CSH1: variants seen among roughly 807,000 people sequenced by gnomAD.
CSH1 encodes the protein Chorionic somatomammotropin hormone 2.
In CSH1, 17 loss-of-function variants were observed where a neutral mutation model predicts 19.4. The observed-to-expected ratio is 0.88, with a 90% CI of 0.60 to 1.31. CSH1 has a LOEUF of 1.31. Ranked by LOEUF, CSH1 falls within the 40% of genes most tolerant of loss-of-function variation. The pLI, the probability that CSH1 is intolerant of heterozygous loss-of-function variation, is 0.00. For missense variants in CSH1, 190 were observed against 243.1 expected (o/e 0.78, Z 1.45); for synonymous variants, 72 against 104.6 (o/e 0.69, Z 1.90).
chr17:63,896,447 C>A, intron 1 of CSH1, 55 bp downstream of exon 1: 2 of 1,610,810 alleles, frequency 1.2e-6, no homozygotes, highest in Non-Finnish European at 1.7e-6. Context: ...ATCTACAGGG[C>A]GCTGCCTCTC....
intron 4 of CSH1, 57 bp from the exon 5 acceptor site, chr17:63,895,276 C>T: frequency 1.2e-6 from 2 of 1,612,886 alleles, no homozygotes; most frequent in Non-Finnish European, 8.5e-7. Flanking sequence ...TTCCCTCCCT[C>T]TCTCATTTAT....
rs367988256 is a variant in CSH1, at chr17:63,896,286, C to T, written c.11-51G>A. The T allele has an allele frequency of 2.1e-4, 332 of 1,579,234 alleles. 4 individuals are homozygous for T. Among genetic ancestry groups the T allele is most frequent in the Admixed American group, 3.5e-4 (19 of 54,184 alleles). On this transcript the variant is annotated intron_variant, in intron 1 of 4. Transcript: ENST00000316193. ...AGGGAGCCGGAGAGGAAGAGGCCAG[C>T]GCTCTCCCTGCTCCAGGAGCTGTTT...
At position 63,895,064 on chromosome 17, in the gene CSH1, G is replaced by A; in HGVS notation, c.612C>T (p.Arg204=). Residue 204 remains arginine (R), a synonymous_variant, in exon 5 of 5, where the codon CGC becomes CGT. Transcript: ENST00000316193. ...CCTCCACAGAGCGGCACTGCACCAT[G>A]CGCAGGAATGTCTCGACCTTGTCCA... The part of the protein sequence containing the change: ...KDMDKVETFL[R]MVQCRSVEGS... 6.2e-7 allele frequency: 1 copy of A among 1,612,972 alleles called. No homozygotes were observed. Among genetic ancestry groups the A allele is most frequent in the Non-Finnish European group, 8.5e-7 (1 of 1,179,662 alleles).
intron 2 of CSH1, 95 bp downstream of exon 2, chr17:63,895,980 C>G: frequency 1.6e-6 from 1 of 606,992 alleles, no homozygotes; most frequent in East Asian, 3.3e-5. Flanking sequence ...AGAAAACAAC[C>G]CTGAGCTCCT....
chr17:63,896,288 C>T (rs1206511661), intron 1 of CSH1, 53 bp from the exon 2 acceptor site: 3 of 1,583,382 alleles, frequency 1.9e-6, no homozygotes, highest in Non-Finnish European at 1.7e-6. Flanking sequence ...GAGGCCAGCG[C>T]TCTCCCTGCT....
chr17:63,895,164 T>C lies in CSH1; in HGVS notation c.512A>G (p.Lys171Arg). ...ATGGTTGTGCGAGTTTGTGTCAAACTTGCTGTAGGTCTGCTTGAGGATCTG... is the reference window on the plus strand; with the variant it reads ...ATGGTTGTGCGAGTTTGTGTCAAACCTGCTGTAGGTCTGCTTGAGGATCTG... ...TGQILKQTYS[K>R]FDTNSHNHDA... Residue 171 changes from lysine to arginine, a missense_variant, in exon 5 of 5, where the codon AAG becomes AGG. Physicochemically the swap from Lys to Arg is conservative, Grantham distance 26 (BLOSUM62 2). This residue lies in a region of CSH1 where 175 missense variants were observed against 187.2 expected (regional missense o/e 0.93). Transcript: ENST00000316193. 1.2e-6 allele frequency: 2 copies of C among 1,612,886 alleles called. 1 individual carries two copies. Among genetic ancestry groups the C allele is most frequent in the Non-Finnish European group, 1.7e-6 (2 of 1,179,568 alleles).
Sources: gnomAD v4.1 joint callset for allele counts on GRCh38, gnomAD v4.1.1 for gene constraint, gnomAD v4.1.1 regional missense constraint, MANE v1.5 for transcripts, NCBI Gene and HGNC (gene_info 2026-07-23, HGNC 2026-07-21) for gene names.